RYR2: variants seen among roughly 807,000 people sequenced by gnomAD.
RYR2 encodes the protein ryanodine receptor 2, also known as cardiac muscle ryanodine receptor-calcium release channel.
RYR2 carries 227 observed loss-of-function variants against 601.1 expected under a neutral mutation model. The observed-to-expected ratio is 0.38, with a 90% CI of 0.34 to 0.42. The LOEUF (loss-of-function observed/expected upper bound fraction) is 0.42. Among genes scored for constraint, RYR2 ranks in the 10% least tolerant of loss-of-function variants. RYR2 has a pLI of 1.00. For synonymous variants in RYR2, 2,223 were observed against 2,175.1 expected, an observed-to-expected ratio of 1.02 and a Z score of -0.61; for missense variants, 4,646 against 6,156.5, an observed-to-expected ratio of 0.75 and a Z score of 8.21.
At chr1:237,082,242 G>A (rs1240437526) in intron 1 of RYR2, among the ~76,000 whole-genome samples, 1 of 151,996 alleles carries the variant, frequency 6.6e-6, no homozygotes, top group Non-Finnish European at 1.5e-5. Flanking sequence ...AAGCCACACA[G>A]CTCATCGTTT....
At chr1:237,706,086 T>A (rs1189738477) in intron 67 of RYR2, among the ~76,000 whole-genome samples, 1 of 152,030 alleles carries the variant, frequency 6.6e-6, no homozygotes, top group Non-Finnish European at 1.5e-5. Context: ...CCGTCTGTGC[T>A]AAAAATACAA....
intron 74 of RYR2, among the ~76,000 whole-genome samples, chr1:237,725,021 C>G (rs551461980): frequency 1.4e-3 from 209 of 152,130 alleles, no homozygotes; most frequent in Middle Eastern, 3.4e-3. Context: ...AGCCTTATCC[C>G]CAGCAGACCT....
chr1:237,593,820 A>C (rs1675508022), intron 33 of RYR2, among the ~76,000 whole-genome samples, 184 bp downstream of exon 33: 1 of 152,216 alleles, frequency 6.6e-6, no homozygotes, highest in Admixed American at 6.5e-5. Context: ...TAAATGTGTT[A>C]AATGTGCAAA....
intron 14 of RYR2, among the ~76,000 whole-genome samples, chr1:237,447,279 A>G (rs1269493722): frequency 2.0e-5 from 3 of 152,230 alleles, no homozygotes; most frequent in Non-Finnish European, 4.4e-5. Flanking sequence ...CTAGTATACC[A>G]TAAGTGACAT....
rs1689444920 is a variant in RYR2, at chr1:237,718,487, A to T, written c.10520A>T (p.Asp3507Val). ...AAAGATACCGAGGATGAAGTACGAG[A>T]TATAATCCGCAGCAATATTCATTTA... ...SLKDTEDEVR[D>V]IIRSNIHLQG... Residue 3507 changes from aspartate (D) to valine (V), a missense_variant, in exon 73 of 105, where the codon GAT (aspartate) becomes GTT (valine). Around this residue, in one of 17 missense-constraint regions of RYR2, gnomAD observed 1,497 missense variants for 1,842.6 expected, o/e 0.81. Coordinates refer to ENST00000366574, the MANE Select transcript of RYR2 (RefSeq NM_001035.3). The T allele has an allele frequency of 6.3e-7, 1 of 1,596,974 alleles. No individual in the cohort carries two copies. The highest frequency in any genetic ancestry group is 8.6e-7 in the Non-Finnish European group (1 of 1,165,236).
chr1:237,229,717 A>G (rs1019537494), intron 1 of RYR2, among the ~76,000 whole-genome samples: 4 of 152,214 alleles, frequency 2.6e-5, no homozygotes, highest in African/African-American at 7.2e-5. Flanking sequence ...CAGGATTCAC[A>G]TGCTGACAGG....
At chr1:237,577,865 C>T (rs147622736) in intron 29 of RYR2, among the ~76,000 whole-genome samples, 4,369 of 152,204 alleles carry the variant, frequency 0.029, 201 homozygotes, top group African/African-American at 0.098. Context: ...TGCAGTGGCA[C>T]GATCTCAGCT....
rs139972101 is a variant in RYR2, at chr1:237,430,378, T to C, written c.1005+7130T>C. ...TGTAATATAGGTATTGCAAATCTTA[T>C]GATAGATTTTAATGTAATCTATTGT... On this transcript the variant is annotated intron_variant, in intron 12 of 104. Transcript: ENST00000366574. 3.1e-4 allele frequency among the ~76,000 whole-genome samples: 47 copies of C among 151,980 alleles called. No individual in the cohort carries two copies. In the East Asian group the frequency reaches 8.3e-3, roughly 27 times the overall value.
chr1:237,457,053 C>A (rs749188936), intron 16 of RYR2, among the ~76,000 whole-genome samples: 23 of 152,176 alleles, frequency 1.5e-4, no homozygotes, highest in Middle Eastern at 3.2e-3. Context: ...TAAAATCCAT[C>A]TCTGAGTGAG....
At chr1:237,346,649 T>C (rs1407277037) in intron 3 of RYR2, among the ~76,000 whole-genome samples, 1 of 152,174 alleles carries the variant, frequency 6.6e-6, no homozygotes, top group African/African-American at 2.4e-5. Context: ...CTAAAAAAAC[T>C]GGGAGAGTTC....
At chr1:237,336,612 T>C (rs966919162) in intron 3 of RYR2, among the ~76,000 whole-genome samples, 1 of 151,922 alleles carries the variant, frequency 6.6e-6, no homozygotes, top group Non-Finnish European at 1.5e-5. Context: ...TCCCAGCACT[T>C]TGGGAGGCCG....
intron 87 of RYR2, among the ~76,000 whole-genome samples, chr1:237,774,766 A>G (rs1446640601): frequency 6.6e-6 from 1 of 152,180 alleles, no homozygotes; most frequent in Non-Finnish European, 1.5e-5. Flanking sequence ...TTCATGTGTC[A>G]TGTCCTGAAT....
At chr1:237,565,141 TTTTCTTTCTTTCTTTCTCTTTCTTTC>T (rs1671856321) in intron 27 of RYR2, among the ~76,000 whole-genome samples, 2 of 47,588 alleles carry the variant, frequency 4.2e-5, no homozygotes, top group African/African-American at 6.0e-5. Context: ...CTTTCTTTCT[TTTTCTTTCTTTCTTTCTCTTTCTTTC>T]TTTCTTTCTT....
intron 76 of RYR2, among the ~76,000 whole-genome samples, chr1:237,729,864 A>T (rs1483160744): frequency 2.0e-5 from 3 of 152,138 alleles, no homozygotes; most frequent in Non-Finnish European, 2.9e-5. Context: ...CACTGATTAC[A>T]TTGCTTATCG....
chr1:237,384,401 G>T (rs12079827), intron 8 of RYR2, among the ~76,000 whole-genome samples: 22,150 of 152,142 alleles, frequency 0.15, 1,822 homozygotes, highest in East Asian at 0.39. Flanking sequence ...AGCATGTGCT[G>T]TCAGCCCCAA....
In RYR2 at chr1:237,441,492, A is replaced by T. The variant is rs1707898825; in HGVS notation, c.1170+9A>T. 1 of 1,454,458 alleles carries T rather than the reference A, an allele frequency of 6.9e-7. No homozygotes were observed. Among genetic ancestry groups the T allele is most frequent in the Non-Finnish European group, 9.1e-7 (1 of 1,096,342 alleles). The allele number at this position is 1,454,458 out of a possible 1,614,324, so 90.1% of individuals were successfully genotyped here. A position where few individuals can be genotyped will look rare whatever the true frequency, so the allele number is the denominator to read the frequency against. The stretch of plus-strand genomic sequence containing the variant: ...GATCTATACAACGTAAGGTAAGGTG[A>T]TAGAAAAAAACATAATTTATAGAAG... On this transcript the variant is annotated intron_variant, in intron 13 of 104. Coordinates refer to ENST00000366574, the MANE Select transcript of RYR2 (RefSeq NM_001035.3).
chr1:237,299,125 G>GGC (rs1553387983), intron 2 of RYR2, among the ~76,000 whole-genome samples: 1 of 44,146 alleles, frequency 2.3e-5, no homozygotes, highest in African/African-American at 3.8e-5. Flanking sequence ...AATTCCTAGA[G>GGC]TCTTTTTTTT....
intron 55 of RYR2, 91 bp downstream of exon 55, chr1:237,660,165 CTTT>C (rs1402198318): frequency 1.5e-6 from 1 of 648,490 alleles, no homozygotes; most frequent in Non-Finnish European, 2.3e-6. Context: ...AAAATGTCTT[CTTT>C]ATTTTAAATT....
intron 1 of RYR2, among the ~76,000 whole-genome samples, chr1:237,263,790 T>C (rs1688765294): frequency 6.6e-6 from 1 of 152,204 alleles, no homozygotes; most frequent in Admixed American, 6.5e-5. Flanking sequence ...TGAGCCAGCA[T>C]TCTTACAGGC....
Sources: allele counts gnomAD v4.1 joint callset (sites outside exome capture counted in the v4.1 genomes callset), GRCh38; gene constraint gnomAD v4.1.1; regional missense constraint gnomAD v4.1.1; transcripts MANE v1.5; gene names NCBI Gene and HGNC (gene_info 2026-07-23, HGNC 2026-07-21).